ATRNL1: variants seen among roughly 807,000 people sequenced by gnomAD.
ATRNL1 encodes the protein attractin like 1.
ATRNL1 carries 95 observed loss-of-function variants against 182.7 expected under a neutral mutation model. The ratio of observed to expected loss-of-function variants is 0.52; its 90% CI spans 0.44 to 0.62. The LOEUF (loss-of-function observed/expected upper bound fraction) is 0.62, where lower values mean the gene tolerates loss of function less well. Ranked by LOEUF, ATRNL1 falls within the 20% of genes least tolerant of loss-of-function variation. The pLI is 0.00. For missense variants in ATRNL1, 1,471 were observed against 1,679.5 expected, an observed-to-expected ratio of 0.88 and a Z score of 2.17; for synonymous variants, 576 against 568.3, an observed-to-expected ratio of 1.01 and a Z score of -0.19.
intron 27 of ATRNL1, among the ~76,000 whole-genome samples, chr10:115,749,769 A>G (rs1555070176): frequency 6.6e-6 from 1 of 151,948 alleles, no homozygotes; most frequent in East Asian, 1.9e-4. Context: ...AAATCATGCC[A>G]AACATCTTAT....
At position 115,093,677 on chromosome 10, in the gene ATRNL1, G is replaced by T; in HGVS notation, c.-74G>T. On this transcript the variant is annotated 5_prime_UTR_variant, in exon 1 of 29. Coordinates refer to ENST00000355044, the MANE Select transcript of ATRNL1 (RefSeq NM_207303.4). This position sits in a 1 kb window ranked among gnomAD's most constrained non-coding sequence, Gnocchi z 6.1. ...AGCGGCGGCGGAGAGGTTTTCTGCG[G>T]CCGGAATTCCCTTCAACAGCATCCC... is the stretch of plus-strand genomic sequence containing the variant. 7.0e-7 allele frequency: 1 copy of T among 1,425,414 alleles called. No individual in the cohort carries two copies. The highest frequency in any genetic ancestry group is 9.3e-7 in the Non-Finnish European group (1 of 1,069,630). 88.3% of individuals were successfully genotyped at this position (1,425,414 alleles called of 1,614,324 possible).
At chr10:115,765,738 C>G (rs1431443609) in intron 27 of ATRNL1, among the ~76,000 whole-genome samples, 3 of 152,100 alleles carry the variant, frequency 2.0e-5, no homozygotes, top group African/African-American at 7.2e-5. Flanking sequence ...AGGTTTTCTC[C>G]TATGTTATCT....
At chr10:115,427,900 CT>C (rs575225403) in intron 21 of ATRNL1, among the ~76,000 whole-genome samples, 206 of 142,864 alleles carry the variant, frequency 1.4e-3, no homozygotes, top group African/African-American at 2.5e-3. Flanking sequence ...TTTGACTACT[CT>C]TTTTTTTTTT....
chr10:115,209,875 G>A (rs1848954344), intron 8 of ATRNL1, among the ~76,000 whole-genome samples: 1 of 151,926 alleles, frequency 6.6e-6, no homozygotes, highest in African/African-American at 2.4e-5. Flanking sequence ...TTTGTCTCCT[G>A]TGTGGGAAGA....
At chr10:115,516,263 G>C (rs1850631992) in intron 24 of ATRNL1, among the ~76,000 whole-genome samples, 1 of 151,574 alleles carries the variant, frequency 6.6e-6, no homozygotes, top group South Asian at 2.1e-4. Flanking sequence ...ACTTGTTCTT[G>C]TGAGAGCAAA....
chr10:115,266,730 A>G lies in ATRNL1; in HGVS notation c.1773-67A>G, dbSNP rs1158147985. 5.6e-6 allele frequency: 5 copies of G among 885,196 alleles called. No homozygotes were observed. In the East Asian group the frequency reaches 9.8e-5, roughly 17 times the overall value. 54.8% of individuals were successfully genotyped at this position (885,196 alleles called of 1,614,324 possible). A position where few individuals can be genotyped will look rare whatever the true frequency, so the allele number is the denominator to read the frequency against. On this transcript the variant is annotated intron_variant, in intron 11 of 28. Transcript: ENST00000355044. The stretch of plus-strand genomic sequence containing the variant: ...TATATTTAAATCTATGCTTATTTTT[A>G]TAACTAAATCAGTAGATAGGGACTT...
At chr10:115,781,816 C>G (rs1319968169) in intron 27 of ATRNL1, among the ~76,000 whole-genome samples, 5 of 152,212 alleles carry the variant, frequency 3.3e-5, no homozygotes, top group African/African-American at 9.6e-5. Flanking sequence ...TCTGTATAAG[C>G]TATATTTCAA....
chr10:115,673,775 T>C (rs2133934180), intron 26 of ATRNL1, among the ~76,000 whole-genome samples: 1 of 152,220 alleles, frequency 6.6e-6, no homozygotes, highest in East Asian at 1.9e-4. Flanking sequence ...TCTTTTTGAA[T>C]GTGGACTGAC....
rs1854246399 is a variant in ATRNL1, at chr10:115,315,397, G to A, written c.2819-121G>A. The stretch of plus-strand genomic sequence containing the variant: ...CTTAAGTATTATTGCAAAAATGTTT[G>A]CATTAACTATAGATGACCTTTCATG... On this transcript the variant is annotated intron_variant, in intron 17 of 28. Transcript: ENST00000355044. The A allele has an allele frequency of 2.9e-5, 19 of 652,188 alleles. No homozygotes were observed. The South Asian group carries it at 4.8e-4, about 17-fold the overall frequency. 40.4% of individuals were successfully genotyped at this position (652,188 alleles called of 1,614,324 possible).
At chr10:115,772,467 GA>G (rs1325437286) in intron 27 of ATRNL1, among the ~76,000 whole-genome samples, 4 of 151,930 alleles carry the variant, frequency 2.6e-5, no homozygotes, top group African/African-American at 9.7e-5. Flanking sequence ...GCTCAAAAAT[GA>G]AAAAGATTTT....
intron 26 of ATRNL1, among the ~76,000 whole-genome samples, chr10:115,629,470 A>G (rs1471823248): frequency 1.3e-5 from 2 of 152,150 alleles, no homozygotes; most frequent in African/African-American, 4.8e-5. Flanking sequence ...GCCTAAGTCA[A>G]TTTAAGCCAT....
At chr10:115,515,729 A>G (rs1850603525) in intron 24 of ATRNL1, among the ~76,000 whole-genome samples, 1 of 151,662 alleles carries the variant, frequency 6.6e-6, no homozygotes, top group Admixed American at 6.6e-5. Context: ...CATTCTCCTT[A>G]TATTATTCTG....
At chr10:115,450,330 G>C (rs564663632) in intron 21 of ATRNL1, among the ~76,000 whole-genome samples, 1 of 152,258 alleles carries the variant, frequency 6.6e-6, no homozygotes, top group African/African-American at 2.4e-5. Context: ...TAGGAAGAGA[G>C]GAAGTCAAAC....
At chr10:115,809,881 G>A (rs1329048658) in intron 27 of ATRNL1, among the ~76,000 whole-genome samples, 1 of 151,852 alleles carries the variant, frequency 6.6e-6, no homozygotes, top group Non-Finnish European at 1.5e-5. Flanking sequence ...CATATATTAG[G>A]GGGAAACATT....
intron 9 of ATRNL1, among the ~76,000 whole-genome samples, chr10:115,233,546 T>C (rs1850048740): frequency 6.6e-6 from 1 of 152,170 alleles, no homozygotes; most frequent in Non-Finnish European, 1.5e-5. Flanking sequence ...TCTGCTATAA[T>C]CTTCAGCTCA....
intron 27 of ATRNL1, among the ~76,000 whole-genome samples, chr10:115,736,027 G>A (rs1947940095): frequency 6.6e-6 from 1 of 152,090 alleles, no homozygotes; most frequent in South Asian, 2.1e-4. Context: ...ACCTTTATTT[G>A]TTTTTAACCT....
At chr10:115,712,095 C>A (rs1213764159) in intron 26 of ATRNL1, among the ~76,000 whole-genome samples, 2 of 152,148 alleles carry the variant, frequency 1.3e-5, no homozygotes, top group Non-Finnish European at 2.9e-5. Flanking sequence ...CATAAGCACT[C>A]ACCATTCACA....
At chr10:115,809,014 G>C (rs1334078708) in intron 27 of ATRNL1, among the ~76,000 whole-genome samples, 1 of 151,752 alleles carries the variant, frequency 6.6e-6, no homozygotes, top group African/African-American at 2.4e-5. Context: ...TGTTTTGTTT[G>C]TTTGTTTTTC....
At chr10:115,744,004 A>AC (rs1555068491) in intron 27 of ATRNL1, among the ~76,000 whole-genome samples, 1 of 151,966 alleles carries the variant, frequency 6.6e-6, no homozygotes, top group East Asian at 1.9e-4. Flanking sequence ...ACATGAATAA[A>AC]TGTGAGTAAA....
Sources: gnomAD v4.1 joint callset for allele counts (sites outside exome capture counted in the v4.1 genomes callset) on GRCh38, gnomAD v4.1.1 for gene constraint, Gnocchi (gnomAD v3.1) non-coding constraint, MANE v1.5 for transcripts, NCBI Gene and HGNC (gene_info 2026-07-23, HGNC 2026-07-21) for gene names.